The following TDRD7 variants were observed in gnomAD, a reference collection of about 807,000 sequenced individuals.
The protein encoded by TDRD7 is tudor domain containing 7.
In TDRD7, 47 loss-of-function variants were observed where a neutral mutation model predicts 109.8. The ratio of observed to expected loss-of-function variants is 0.43; its 90% CI spans 0.34 to 0.55. The LOEUF (loss-of-function observed/expected upper bound fraction) is 0.55. Ranked by LOEUF, TDRD7 falls within the 20% of genes least tolerant of loss-of-function variation. The pLI, the probability that TDRD7 is intolerant of heterozygous loss-of-function variation, is 0.03. For missense variants in TDRD7, 1,164 were observed against 1,319.2 expected (o/e 0.88, Z 1.82); for synonymous variants, 424 against 457.3 (o/e 0.93, Z 0.93).
At chr9:97,449,742 A>G (rs1416945119) in intron 6 of TDRD7, among the ~76,000 whole-genome samples, 2 of 152,168 alleles carry the variant, frequency 1.3e-5, no homozygotes, top group African/African-American at 2.4e-5. Context: ...TGGTGGGGCC[A>G]AAAGTTTCAA....
At chr9:97,478,706 T>C (rs1372776324) in intron 13 of TDRD7, 133 bp downstream of exon 13, 1 of 1,314,436 alleles carries the variant, frequency 7.6e-7, no homozygotes, top group South Asian at 1.2e-5. Flanking sequence ...TGTGGTTGTC[T>C]GCTGGTTTTC....
chr9:97,441,807 G>T lies in TDRD7; in HGVS notation c.787G>T (p.Glu263Ter). ...WISKLPHFYK[E>*]LYKEDLNQGI... ...ATCTAAGCTTCCACATTTTTACAAAGAGTTATATAAAGAAGACCTTAATCA... is the reference window on the plus strand; with the variant it reads ...ATCTAAGCTTCCACATTTTTACAAATAGTTATATAAAGAAGACCTTAATCA... Residue 263 changes from glutamate to a stop codon, truncating the protein, a stop_gained, in exon 6 of 17, where the codon GAG becomes TAG. Transcript: ENST00000355295. LOFTEE classifies it high-confidence loss of function. 1 of 1,613,650 alleles carries T rather than the reference G, an allele frequency of 6.2e-7. No individual in the cohort carries two copies. Among genetic ancestry groups the T allele is most frequent in the Non-Finnish European group, 8.5e-7 (1 of 1,179,802 alleles).
chr9:97,418,278 A>G lies in TDRD7; in HGVS notation c.-7+6040A>G, dbSNP rs1448709892. Among the ~76,000 whole-genome samples, 3 of 152,162 alleles carry G rather than the reference A, an allele frequency of 2.0e-5. No individual in the cohort carries two copies. In the East Asian group the frequency reaches 5.8e-4, roughly 29 times the overall value. ...GAGGTTGGATAGGGTGGGAAAAGTG[A>G]AAAATAAGGATGAGCACTTCTGTGC... is the stretch of plus-strand genomic sequence containing the variant. On this transcript the variant is annotated intron_variant, in intron 1 of 16. Coordinates refer to ENST00000355295, the MANE Select transcript of TDRD7 (RefSeq NM_014290.3).
intron 16 of TDRD7, among the ~76,000 whole-genome samples, chr9:97,494,732 G>GT: frequency 8.1e-6 from 1 of 124,050 alleles, no homozygotes; most frequent in African/African-American, 2.9e-5. Flanking sequence ...TTTTCGAGAG[G>GT]GTCTCACTTT....
intron 4 of TDRD7, 77 bp downstream of exon 4, chr9:97,432,315 AG>A (rs1828118900): frequency 3.1e-6 from 4 of 1,298,580 alleles, no homozygotes; most frequent in Non-Finnish European, 4.5e-6. Context: ...AGGTTAAGAA[AG>A]AAACACTTTC....
chr9:97,415,848 A>C (rs1477209296), intron 1 of TDRD7, among the ~76,000 whole-genome samples: 1 of 152,210 alleles, frequency 6.6e-6, no homozygotes, highest in Non-Finnish European at 1.5e-5. Context: ...AGTTAGAACA[A>C]AGTATTCTTA....
In TDRD7 at chr9:97,442,225, A is replaced by G. The variant is rs546157148; in HGVS notation, c.855+350A>G. On this transcript the variant is annotated intron_variant, in intron 6 of 16. Transcript: ENST00000355295. ...TAATAAATCTGAACTTATTGGGAAG[A>G]ATTGTTTTATTAGCCTCAAATTTTA... 8.5e-4 allele frequency among the ~76,000 whole-genome samples: 129 copies of G among 152,282 alleles called. 1 individual carries two copies. The highest frequency in any genetic ancestry group is 1.9e-3 in the South Asian group (9 of 4,834).
chr9:97,495,592 C>A, intron 16 of TDRD7, 71 bp from the exon 17 acceptor site: 1 of 1,427,380 alleles, frequency 7.0e-7, no homozygotes, highest in Non-Finnish European at 9.9e-7. Flanking sequence ...AAATAATTTT[C>A]CATCATAATG....
intron 1 of TDRD7, among the ~76,000 whole-genome samples, chr9:97,414,069 G>T (rs904428156): frequency 6.6e-6 from 1 of 152,160 alleles, no homozygotes; most frequent in Non-Finnish European, 1.5e-5. Context: ...ATTTGACATA[G>T]AGTGCTTTGC....
At chr9:97,455,925 C>T (rs887689320) in intron 6 of TDRD7, among the ~76,000 whole-genome samples, 1 of 152,106 alleles carries the variant, frequency 6.6e-6, no homozygotes, top group African/African-American at 2.4e-5. Flanking sequence ...TTAGAAAACC[C>T]CATTATCTCA....
intron 13 of TDRD7, chr9:97,480,518 C>A (rs76197967): frequency 2.7e-6 from 1 of 375,360 alleles, no homozygotes; most frequent in Non-Finnish European, 5.1e-6. Context: ...TACAGTCTTT[C>A]TGAGTCCATT....
intron 12 of TDRD7, 22 bp from the exon 13 acceptor site, chr9:97,478,417 G>T: frequency 6.2e-7 from 1 of 1,613,910 alleles, no homozygotes; most frequent in African/African-American, 1.3e-5. Context: ...TAATAAATGA[G>T]CCAACACTTA....
At chr9:97,458,087 C>T (rs1051853108) in intron 6 of TDRD7, among the ~76,000 whole-genome samples, 2 of 152,224 alleles carry the variant, frequency 1.3e-5, no homozygotes, top group African/African-American at 4.8e-5. Context: ...TGTAACAAAC[C>T]TGCACATTCT....
At chr9:97,479,479 C>G (rs1283936726) in intron 13 of TDRD7, among the ~76,000 whole-genome samples, 1 of 152,232 alleles carries the variant, frequency 6.6e-6, no homozygotes, top group East Asian at 1.9e-4. Flanking sequence ...AGTTGGGAAT[C>G]TGTCCCACCG....
intron 14 of TDRD7, among the ~76,000 whole-genome samples, chr9:97,481,728 T>A (rs2131175974): frequency 6.6e-6 from 1 of 152,350 alleles, no homozygotes; most frequent in African/African-American, 2.4e-5. Flanking sequence ...TCTCAGCTAC[T>A]CTTTAAGCTC....
Position 97,442,436 on chromosome 9 carries a change from T to G in TDRD7, c.855+561T>G, listed in dbSNP as rs78818420. Among the ~76,000 whole-genome samples the G allele has an allele frequency of 8.9e-3, 1,359 of 152,304 alleles. 21 individuals are homozygous for G. The highest frequency in any genetic ancestry group is 0.031 in the African/African-American group (1,296 of 41,574). ...AAAAATTTAAAAATGATTTATCAATTTCCATTTCTATTCCTACTTCAGAGT... is the reference window on the plus strand; with the variant it reads ...AAAAATTTAAAAATGATTTATCAATGTCCATTTCTATTCCTACTTCAGAGT... On this transcript the variant is annotated intron_variant, in intron 6 of 16. Transcript: ENST00000355295.
At chr9:97,490,985 A>T (rs1339103995) in intron 16 of TDRD7, among the ~76,000 whole-genome samples, 3 of 133,776 alleles carry the variant, frequency 2.2e-5, no homozygotes, top group Non-Finnish European at 4.6e-5. Context: ...GCACGATCTC[A>T]GCTCACTGCA....
At chr9:97,458,969 G>A (rs1828664850) in intron 6 of TDRD7, among the ~76,000 whole-genome samples, 1 of 152,144 alleles carries the variant, frequency 6.6e-6, no homozygotes, top group South Asian at 2.1e-4. Flanking sequence ...TTAAAATTCT[G>A]TTCTTCTGGG....
chr9:97,459,430 A>G (rs1828671452), intron 6 of TDRD7, among the ~76,000 whole-genome samples: 4 of 152,144 alleles, frequency 2.6e-5, no homozygotes, highest in Admixed American at 2.0e-4. Context: ...CTAGTAGTAG[A>G]GCTGACCTCT....
Sources: gnomAD v4.1 joint callset for allele counts (sites outside exome capture counted in the v4.1 genomes callset) on GRCh38, gnomAD v4.1.1 for gene constraint, MANE v1.5 for transcripts, NCBI Gene and HGNC (gene_info 2026-07-23, HGNC 2026-07-21) for gene names.